Variants in INPP5K observed in about 807,000 individuals in gnomAD.
The protein encoded by INPP5K is inositol polyphosphate-5-phosphatase K.
A neutral mutation model predicts 53.5 loss-of-function variants in INPP5K; 35 were observed. That is an observed-to-expected ratio of 0.65 (90% CI 0.50 to 0.87). The LOEUF is 0.87. Among genes scored for constraint, INPP5K ranks in the 40% least tolerant of loss-of-function variants. The pLI, the probability that INPP5K is intolerant of heterozygous loss-of-function variation, is 0.00. For missense variants in INPP5K, 550 were observed against 586.2 expected (o/e 0.94, Z 0.64); for synonymous variants, 253 against 232.8 (o/e 1.09, Z -0.79).
chr17:1,501,657 A>G (rs1168688866), intron 7 of INPP5K, among the ~76,000 whole-genome samples: 1 of 152,198 alleles, frequency 6.6e-6, no homozygotes, highest in Admixed American at 6.5e-5. Context: ...TGGTATTCCC[A>G]TCCCAGAGAC....
At chr17:1,508,541 T>C in intron 5 of INPP5K, 1 of 376,222 alleles carries the variant, frequency 2.7e-6, no homozygotes, top group South Asian at 2.5e-5. Flanking sequence ...CACAAGGTCC[T>C]TGACCTGTTC....
chr17:1,508,194 CG>C lies in INPP5K; in HGVS notation c.586del (p.Arg196GlyfsTer80). ...LIIWFGDMNF[R>X]IEDFGLHFVR... ...AAAGTGCAACCCAAAGTCCTCGATC[CG>C]AAAGTTCATGTCTCCAAACCAGATA... On this transcript the variant is annotated frameshift_variant, in exon 6 of 12. Coordinates refer to ENST00000421807, the MANE Select transcript of INPP5K (RefSeq NM_016532.4). LOFTEE classifies it high-confidence loss of function. 1.2e-6 allele frequency: 2 copies of C among 1,613,948 alleles called. No homozygotes were observed. The highest frequency in any genetic ancestry group is 1.7e-6 in the Non-Finnish European group (2 of 1,179,960).
intron 3 of INPP5K, 83 bp downstream of exon 3, chr17:1,513,370 G>A: frequency 9.5e-7 from 1 of 1,051,844 alleles, no homozygotes; most frequent in Non-Finnish European, 1.5e-6. Context: ...GCAGGAGTAA[G>A]AGGAACACAT....
In INPP5K at chr17:1,516,574, T is replaced by C; in HGVS notation, c.-75A>G. 1.4e-6 allele frequency: 2 copies of C among 1,448,592 alleles called. No homozygotes were observed. The highest frequency in any genetic ancestry group is 9.0e-7 in the Non-Finnish European group (1 of 1,108,834). 89.7% of individuals were successfully genotyped at this position (1,448,592 alleles called of 1,614,324 possible). On this transcript the variant is annotated 5_prime_UTR_variant, in exon 1 of 12. Coordinates refer to ENST00000421807, the MANE Select transcript of INPP5K (RefSeq NM_016532.4). ...CAGCGGGTCCCGGCCAGAGCAGCCC[T>C]GCGGGCGGCCGGTCTCACGCGCCTA...
At chr17:1,513,724 C>T in intron 2 of INPP5K, 148 bp downstream of exon 2, 1 of 867,058 alleles carries the variant, frequency 1.2e-6, no homozygotes, top group Non-Finnish European at 1.8e-6. Flanking sequence ...CGTTGCTGAC[C>T]CGGGACCAGA....
chr17:1,498,194 C>T lies in INPP5K; in HGVS notation c.777-72G>A, dbSNP rs893268175. 6.0e-6 allele frequency: 8 copies of T among 1,337,860 alleles called. No homozygotes were observed. The African/African-American group carries it at 8.7e-5, about 15-fold the overall frequency. 82.9% of individuals were successfully genotyped at this position (1,337,860 alleles called of 1,614,324 possible). ...GGGTTGGCTAAGAGCAGAAATGAGC[C>T]CACATGAGCTTGCTGGAGCCCCTAA... On this transcript the variant is annotated intron_variant, in intron 7 of 11. Coordinates refer to ENST00000421807, the MANE Select transcript of INPP5K (RefSeq NM_016532.4).
At chr17:1,496,475 G>T in intron 9 of INPP5K, 73 bp from the exon 10 acceptor site, 1 of 1,380,586 alleles carries the variant, frequency 7.2e-7, no homozygotes, top group Non-Finnish European at 1.0e-6. Context: ...GGAAGAGATG[G>T]TCTCCCTGCT....
At position 1,498,157 on chromosome 17, in the gene INPP5K, G is replaced by A. The variant is rs777967654; in HGVS notation, c.777-35C>T. The A allele has an allele frequency of 6.5e-6, 10 of 1,548,370 alleles. No homozygotes were observed. In the African/African-American group the frequency reaches 1.4e-4, roughly 21 times the overall value. ...CAGGGGGCATAAAGAGGAAGAATGG[G>A]GAAAGAAGAAAGGGTTGGCTAAGAG... On this transcript the variant is annotated intron_variant, in intron 7 of 11. Transcript: ENST00000421807.
intron 8 of INPP5K, among the ~76,000 whole-genome samples, chr17:1,497,014 G>A (rs546545929): frequency 2.6e-5 from 4 of 152,290 alleles, no homozygotes; most frequent in East Asian, 1.9e-4. Flanking sequence ...TGGCCCTGTC[G>A]GAATCCCATG....
intron 1 of INPP5K, among the ~76,000 whole-genome samples, chr17:1,514,327 GA>G (rs61540543): frequency 0.42 from 61,433 of 145,146 alleles, 12,726 homozygotes; most frequent in East Asian, 0.55. Flanking sequence ...TGTCTCAAAA[GA>G]AAAAAAAAAA....
At chr17:1,511,404 A>G (rs1369557863) in intron 3 of INPP5K, among the ~76,000 whole-genome samples, 1 of 152,200 alleles carries the variant, frequency 6.6e-6, no homozygotes, top group African/African-American at 2.4e-5. Flanking sequence ...CAGGCTGTCT[A>G]CCACCGGCAC....
At chr17:1,505,635 C>T (rs754705156) in intron 7 of INPP5K, among the ~76,000 whole-genome samples, 59 of 152,182 alleles carry the variant, frequency 3.9e-4, no homozygotes, top group Non-Finnish European at 7.3e-4. Flanking sequence ...CTCACTCTTT[C>T]CCCCTTTCCT....
Position 1,494,965 on chromosome 17 carries a change from C to T in INPP5K, c.*858G>A, listed in dbSNP as rs111962255. ...GGTCCCGGGGGGTCCAGGGGGGGCCCGTCGTCAATGGCTCCTGACAAGGGT... is the reference window on the plus strand; with the variant it reads ...GGTCCCGGGGGGTCCAGGGGGGGCCTGTCGTCAATGGCTCCTGACAAGGGT... On this transcript the variant is annotated 3_prime_UTR_variant, in exon 12 of 12. Coordinates refer to ENST00000421807, the MANE Select transcript of INPP5K (RefSeq NM_016532.4). 6,804 of 152,346 alleles carry T rather than the reference C, an allele frequency of 0.045. 219 individuals carry two copies. The highest frequency in any genetic ancestry group is 0.11 in the Middle Eastern group (32 of 294). The allele number at this position is 152,346 out of a possible 1,614,324, so 9.4% of individuals were successfully genotyped here. A position where few individuals can be genotyped will look rare whatever the true frequency, so the allele number is the denominator to read the frequency against.
intron 3 of INPP5K, among the ~76,000 whole-genome samples, chr17:1,512,989 T>C (rs1261080958): frequency 6.6e-6 from 1 of 152,228 alleles, no homozygotes; most frequent in Non-Finnish European, 1.5e-5. Context: ...CATGGTTTTC[T>C]CTGTAAAATA....
At chr17:1,507,184 A>C in intron 6 of INPP5K, 95 bp from the exon 7 acceptor site, 3 of 873,994 alleles carry the variant, frequency 3.4e-6, no homozygotes, top group Non-Finnish European at 5.5e-6. Flanking sequence ...GCCGTCACAA[A>C]TGGGGCAAGA....
intron 6 of INPP5K, 113 bp from the exon 7 acceptor site, chr17:1,507,202 A>C (rs1355229856): frequency 1.4e-6 from 1 of 716,180 alleles, no homozygotes; most frequent in Non-Finnish European, 2.4e-6. Flanking sequence ...AGAGTCAAGC[A>C]ATGCCACTCC....
rs533571069 is a variant in INPP5K, at chr17:1,502,125, A to G, written c.777-4003T>C. ...AGCACTTTGGGAGGCCAAGGCGGGC[A>G]GATCATGAGGTCAGGACATGGAGAC... On this transcript the variant is annotated intron_variant, in intron 7 of 11. Coordinates refer to ENST00000421807, the MANE Select transcript of INPP5K (RefSeq NM_016532.4). Among the ~76,000 whole-genome samples the G allele has an allele frequency of 7.2e-3, 1,089 of 151,642 alleles. 9 individuals carry two copies. The highest frequency in any genetic ancestry group is 0.021 in the African/African-American group (879 of 41,328).
chr17:1,508,217 G>A lies in INPP5K; in HGVS notation c.564C>T (p.Ile188=), dbSNP rs763286078. 4 of 1,613,122 alleles carry A rather than the reference G, an allele frequency of 2.5e-6. No individual in the cohort carries two copies. The highest frequency in any genetic ancestry group is 2.2e-5 in the East Asian group (1 of 44,868). The change falls in exon 6 of 12, where the codon ATC becomes ATT. Residue 188 remains isoleucine (I), a synonymous_variant. Coordinates refer to ENST00000421807, the MANE Select transcript of INPP5K (RefSeq NM_016532.4). ...IPNILDHDLI[I]WFGDMNFRIE... Reference sequence around the variant, plus strand: ...TCCGAAAGTTCATGTCTCCAAACCAGATAATGAGGCTTCAGAAAAAAAGGA... The same window carrying A: ...TCCGAAAGTTCATGTCTCCAAACCAAATAATGAGGCTTCAGAAAAAAAGGA...
Position 1,508,176 on chromosome 17 carries a change from A to G in INPP5K, c.605T>C (p.Leu202Ser), listed in dbSNP as rs2075209690. 6.2e-7 allele frequency: 1 copy of G among 1,614,158 alleles called. No homozygotes were observed. Among genetic ancestry groups the G allele is most frequent in the Non-Finnish European group, 8.5e-7 (1 of 1,180,014 alleles). ...DMNFRIEDFG[L>S]HFVRESIKNR... ...TTTAATGGATTCCCGAACAAAGTGCAACCCAAAGTCCTCGATCCGAAAGTT... is the reference window on the plus strand; with the variant it reads ...TTTAATGGATTCCCGAACAAAGTGCGACCCAAAGTCCTCGATCCGAAAGTT... Residue 202 changes from leucine (L) to serine (S), a missense_variant, in exon 6 of 12, where the codon TTG becomes TCG. Leu to Ser is a moderately radical substitution (Grantham distance 145). Coordinates refer to ENST00000421807, the MANE Select transcript of INPP5K (RefSeq NM_016532.4).
Sources: allele counts gnomAD v4.1 joint callset (sites outside exome capture counted in the v4.1 genomes callset), GRCh38; gene constraint gnomAD v4.1.1; transcripts MANE v1.5; gene names NCBI Gene and HGNC (gene_info 2026-07-23, HGNC 2026-07-21).